CIT: variants seen among roughly 807,000 people sequenced by gnomAD.
CIT encodes the protein citron rho-interacting serine/threonine kinase.
In CIT, 79 loss-of-function variants were observed where a neutral mutation model predicts 272.7. The observed-to-expected ratio is 0.29, with a 90% CI of 0.24 to 0.35. CIT has a LOEUF of 0.35. CIT is among the 10% of genes least tolerant of loss of function. CIT has a pLI of 1.00. For synonymous variants in CIT, 948 were observed against 995.6 expected (o/e 0.95, Z 0.90); for missense variants, 1,909 against 2,618.3 (o/e 0.73, Z 5.91).
chr12:119,763,581 A>G (rs529989536), intron 19 of CIT, among the ~76,000 whole-genome samples: 14 of 152,288 alleles, frequency 9.2e-5, no homozygotes, highest in African/African-American at 3.1e-4. Flanking sequence ...GCGGTAAAAG[A>G]TGCCAGGGTG....
chr12:119,839,771 A>G (rs1969276045), intron 5 of CIT, among the ~76,000 whole-genome samples: 1 of 152,136 alleles, frequency 6.6e-6, no homozygotes, highest in Non-Finnish European at 1.5e-5. Context: ...GCTATTTACA[A>G]AGGTTCAGGT....
chr12:119,735,369 A>C lies in CIT; in HGVS notation c.2959-12T>G. On this transcript the variant is annotated splice_polypyrimidine_tract_variant and intron_variant, in intron 24 of 47. Coordinates refer to ENST00000392521, the MANE Select transcript of CIT (RefSeq NM_001206999.2). ...AGGTCTGTGATTACCTAAAAGAGGA[A>C]AGGAATCCAGTTACACGCCAAGCAC... 6.2e-7 allele frequency: 1 copy of C among 1,613,694 alleles called. No homozygotes were observed. Among genetic ancestry groups the C allele is most frequent in the Non-Finnish European group, 8.5e-7 (1 of 1,179,568 alleles).
At chr12:119,774,386 A>G (rs1349271311) in intron 16 of CIT, among the ~76,000 whole-genome samples, 1 of 152,212 alleles carries the variant, frequency 6.6e-6, no homozygotes, top group African/African-American at 2.4e-5. Context: ...CTCAATGCCA[A>G]AGGTACGTCC....
At chr12:119,806,121 G>C (rs1478894191) in intron 9 of CIT, among the ~76,000 whole-genome samples, 1 of 94,484 alleles carries the variant, frequency 1.1e-5, no homozygotes, top group Non-Finnish European at 1.9e-5. Flanking sequence ...TGGGGAACAA[G>C]AGCGAAACAC....
At chr12:119,744,016 T>C (rs1288262005) in intron 23 of CIT, among the ~76,000 whole-genome samples, 1 of 152,180 alleles carries the variant, frequency 6.6e-6, no homozygotes, top group Non-Finnish European at 1.5e-5. Context: ...GATTTTACTG[T>C]TGTTTTAAGA....
chr12:119,738,814 C>T (rs771501364), intron 24 of CIT, among the ~76,000 whole-genome samples: 7 of 144,804 alleles, frequency 4.8e-5, no homozygotes, highest in South Asian at 2.3e-4. Flanking sequence ...ACCTGGGAGG[C>T]GGAGGTTGTG....
At chr12:119,814,119 T>C (rs1444660782) in intron 9 of CIT, among the ~76,000 whole-genome samples, 1 of 152,214 alleles carries the variant, frequency 6.6e-6, no homozygotes, top group African/African-American at 2.4e-5. Flanking sequence ...CATTGTTATA[T>C]TTTTAATATT....
Position 119,710,470 on chromosome 12 carries a change from C to T in CIT, c.4935+70G>A. The T allele has an allele frequency of 1.9e-6, 3 of 1,612,632 alleles. No individual in the cohort carries two copies. The highest frequency in any genetic ancestry group is 2.2e-5 in the South Asian group (2 of 91,050). On this transcript the variant is annotated intron_variant, in intron 38 of 47. Transcript: ENST00000392521. The surrounding 1 kb of genome is among the most constrained non-coding windows in gnomAD (Gnocchi z 5.6). ...TCTAGTAAGAGCAACAAGGCCTCCA[C>T]AGCCCTTTCTTTCTTGATGGGGTGT...
intron 3 of CIT, among the ~76,000 whole-genome samples, chr12:119,858,948 C>G (rs560490563): frequency 2.5e-4 from 38 of 152,256 alleles, no homozygotes; most frequent in Middle Eastern, 6.8e-3. Context: ...AGTTTTCTTA[C>G]CATACAGTCT....
chr12:119,798,814 T>C (rs1176805474), intron 10 of CIT, among the ~76,000 whole-genome samples: 4 of 152,224 alleles, frequency 2.6e-5, no homozygotes, highest in Non-Finnish European at 5.9e-5. Context: ...GAATTGTGAA[T>C]TGGCATTACC....
rs772500885 is a variant in CIT at position 119,758,703 on chromosome 12, G to GA, written c.2422-4dup. Reference sequence around the variant, plus strand: ...TTGGAATCCATAGCATTGATCATCTGAAACACAGGGCACCTATGAAACTTC... The same window carrying GA: ...TTGGAATCCATAGCATTGATCATCTGAAAACACAGGGCACCTATGAAACTTC... On this transcript the variant is annotated splice_region_variant and splice_polypyrimidine_tract_variant and intron_variant, in intron 20 of 47. Transcript: ENST00000392521. 6.3e-7 allele frequency: 1 copy of GA among 1,581,054 alleles called. No individual in the cohort carries two copies. Among genetic ancestry groups the GA allele is most frequent in the Non-Finnish European group, 8.7e-7 (1 of 1,149,864 alleles).
At chr12:119,776,082 G>A (rs1159737220) in intron 15 of CIT, among the ~76,000 whole-genome samples, 1 of 152,162 alleles carries the variant, frequency 6.6e-6, no homozygotes, top group Non-Finnish European at 1.5e-5. Context: ...AAGTCGCTCA[G>A]TCCTTTAAAA....
rs1967833509 is a variant in CIT at position 119,822,835 on chromosome 12, T to C, written c.1096A>G (p.Asn366Asp). ...CHPFFSKIDWNNIRNSPPPFV... is the reference protein window; with the variant it reads ...CHPFFSKIDWDNIRNSPPPFV... ...CCCTACTTACAGTTACGAATGTTGT[T>C]CCAGTCAATTTTAGAGAAGAAAGGA... is the stretch of plus-strand genomic sequence containing the variant. Residue 366 changes from asparagine to aspartate, a missense_variant, in exon 9 of 48, where the codon AAC becomes GAC. Coordinates refer to ENST00000392521, the MANE Select transcript of CIT (RefSeq NM_001206999.2). 3 of 1,614,072 alleles carry C rather than the reference T, an allele frequency of 1.9e-6. No individual in the cohort carries two copies. The African/African-American group carries it at 4.0e-5, about 22-fold the overall frequency.
chr12:119,871,065 G>A (rs1392524655), intron 2 of CIT, among the ~76,000 whole-genome samples: 1 of 151,232 alleles, frequency 6.6e-6, no homozygotes. Flanking sequence ...GTTGCAGTGA[G>A]CAGAGATCGT....
intron 19 of CIT, among the ~76,000 whole-genome samples, chr12:119,762,231 A>G (rs1961894475): frequency 6.6e-6 from 1 of 152,188 alleles, no homozygotes; most frequent in East Asian, 1.9e-4. Flanking sequence ...TCTTTAAACT[A>G]GAACTGACTG....
At position 119,757,621 on chromosome 12, in the gene CIT, C is replaced by T. The variant is rs191405748; in HGVS notation, c.2532-76G>A. The T allele has an allele frequency of 5.7e-5, 89 of 1,568,488 alleles. 1 individual carries two copies. The East Asian group carries it at 1.5e-3, about 26-fold the overall frequency. The stretch of plus-strand genomic sequence containing the variant: ...TGAGCCCGTTTCCACGGGAGGTAGA[C>T]GGACACGGAGTTAGACATGTCTCCT... On this transcript the variant is annotated intron_variant, in intron 21 of 47. Transcript: ENST00000392521.
rs116724945 is a variant in CIT at position 119,694,115 on chromosome 12, G to A, written c.5882+3544C>T. Among the ~76,000 whole-genome samples the A allele has an allele frequency of 9.5e-4, 144 of 152,218 alleles. 1 individual carries two copies. The highest frequency in any genetic ancestry group is 3.3e-3 in the African/African-American group (138 of 41,520). ...CTAGCTCCTAGCACTGTGTCAAGACGAGGCCAGTCCCACTTCCACACGCAG... is the reference window on the plus strand; with the variant it reads ...CTAGCTCCTAGCACTGTGTCAAGACAAGGCCAGTCCCACTTCCACACGCAG... On this transcript the variant is annotated intron_variant, in intron 46 of 47. Transcript: ENST00000392521. This position sits in a 1 kb window ranked among gnomAD's most constrained non-coding sequence, Gnocchi z 4.5.
intron 2 of CIT, among the ~76,000 whole-genome samples, chr12:119,871,708 T>A (rs967128599): frequency 6.6e-6 from 1 of 151,782 alleles, no homozygotes; most frequent in Non-Finnish European, 1.5e-5. Context: ...CAAAAAAAAA[T>A]TAGCCAGGTG....
intron 28 of CIT, among the ~76,000 whole-genome samples, chr12:119,724,051 G>A (rs1443483554): frequency 6.6e-6 from 1 of 152,210 alleles, no homozygotes; most frequent in Non-Finnish European, 1.5e-5. Flanking sequence ...AGCACTTTGG[G>A]AGGCCAAGGC....
Sources: allele counts gnomAD v4.1 joint callset (sites outside exome capture counted in the v4.1 genomes callset), GRCh38; gene constraint gnomAD v4.1.1; non-coding constraint Gnocchi (gnomAD v3.1); transcripts MANE v1.5; gene names NCBI Gene and HGNC (gene_info 2026-07-23, HGNC 2026-07-21).